FHIT: variants seen among roughly 807,000 people sequenced by gnomAD.
FHIT encodes the protein bis(5'-adenosyl)-triphosphatase.
A neutral mutation model predicts 17.9 loss-of-function variants in FHIT; 19 were observed. The ratio of observed to expected loss-of-function variants is 1.06; its 90% CI spans 0.74 to 1.56. The LOEUF (loss-of-function observed/expected upper bound fraction) is 1.56. Ranked by LOEUF, FHIT falls within the 40% of genes most tolerant of loss-of-function variation. The pLI, the probability that FHIT is intolerant of heterozygous loss-of-function variation, is 0.00. For missense variants in FHIT, 248 were observed against 189.2 expected (o/e 1.31, Z -1.82); for synonymous variants, 81 against 69.7 (o/e 1.16, Z -0.81).
intron 4 of FHIT, 81 bp from the exon 5 acceptor site, chr3:60,537,060 ATT>A (rs1328689022): frequency 1.8e-6 from 2 of 1,106,234 alleles, no homozygotes; most frequent in Non-Finnish European, 2.5e-6. Context: ...AGCAAATTCC[ATT>A]ACTACAGATT....
chr3:60,613,011 T>C (rs919875392), intron 4 of FHIT, among the ~76,000 whole-genome samples: 2 of 152,188 alleles, frequency 1.3e-5, no homozygotes, highest in African/African-American at 4.8e-5. Flanking sequence ...GCCAAGAATG[T>C]CACAGTGTCA....
chr3:60,620,245 T>C (rs1432682875), intron 4 of FHIT, among the ~76,000 whole-genome samples: 3 of 152,166 alleles, frequency 2.0e-5, no homozygotes, highest in African/African-American at 7.2e-5. Flanking sequence ...CGCAATATTT[T>C]ACAAAATGAA....
chr3:60,144,229 G>T (rs1030387894), intron 5 of FHIT, among the ~76,000 whole-genome samples: 1 of 152,206 alleles, frequency 6.6e-6, no homozygotes, highest in Non-Finnish European at 1.5e-5. Context: ...TGAAACTCAT[G>T]AGCAAGGCTG....
chr3:61,129,502 C>G (rs1268031032), intron 2 of FHIT, among the ~76,000 whole-genome samples: 1 of 152,110 alleles, frequency 6.6e-6, no homozygotes, highest in Non-Finnish European at 1.5e-5. Flanking sequence ...TGAAATGGCT[C>G]CACTCTGGAG....
chr3:60,087,076 G>C (rs114735334), intron 5 of FHIT, among the ~76,000 whole-genome samples: 1 of 152,194 alleles, frequency 6.6e-6, no homozygotes, highest in Non-Finnish European at 1.5e-5. Context: ...CAGACGTAAC[G>C]TCATGCAAAA....
intron 8 of FHIT, among the ~76,000 whole-genome samples, chr3:59,791,018 T>C (rs1416988467): frequency 2.0e-5 from 3 of 152,230 alleles, no homozygotes; most frequent in African/African-American, 4.8e-5. Context: ...GAAGCCTTTC[T>C]GAGTTCTCCC....
intron 2 of FHIT, among the ~76,000 whole-genome samples, chr3:61,045,314 A>C (rs1362388973): frequency 1.3e-5 from 2 of 152,152 alleles, no homozygotes; most frequent in Admixed American, 1.3e-4. Flanking sequence ...GAAAACAAAC[A>C]AACAAAAAAG....
At chr3:60,937,754 G>C (rs1331851891) in intron 3 of FHIT, among the ~76,000 whole-genome samples, 1 of 151,788 alleles carries the variant, frequency 6.6e-6, no homozygotes, top group Non-Finnish European at 1.5e-5. Flanking sequence ...AGTAGAGATG[G>C]GGTTTCACCA....
chr3:60,518,135 T>A (rs1367272836), intron 5 of FHIT, among the ~76,000 whole-genome samples: 2 of 152,082 alleles, frequency 1.3e-5, no homozygotes, highest in African/African-American at 4.8e-5. Flanking sequence ...CAGGAAAAAC[T>A]CATAAATGAC....
intron 5 of FHIT, among the ~76,000 whole-genome samples, chr3:60,030,715 A>AATGG (rs1463172045): frequency 1.3e-5 from 2 of 152,090 alleles, no homozygotes; most frequent in East Asian, 1.9e-4. Flanking sequence ...TTGGTGGGTC[A>AATGG]ATGGATGGAT....
intron 4 of FHIT, among the ~76,000 whole-genome samples, chr3:60,713,489 G>T (rs62249268): frequency 0.11 from 15,779 of 144,690 alleles, 1,022 homozygotes; most frequent in Non-Finnish European, 0.14. Context: ...GAATCCAGGA[G>T]CTGGTTTTTT....
chr3:59,869,572 C>T (rs1013681146), intron 8 of FHIT, among the ~76,000 whole-genome samples: 2 of 143,508 alleles, frequency 1.4e-5, no homozygotes, highest in Admixed American at 1.4e-4. Context: ...AGCTCTGCCT[C>T]CCGGGTTCAC....
At chr3:59,751,524 C>T (rs1700900310) in intron 9 of FHIT, 1 of 217,422 alleles carries the variant, frequency 4.6e-6, no homozygotes, top group Non-Finnish European at 9.2e-6. Flanking sequence ...GGCATGAGCT[C>T]GTTAGACACT....
At chr3:61,067,967 G>A (rs2034670376) in intron 2 of FHIT, among the ~76,000 whole-genome samples, 1 of 152,110 alleles carries the variant, frequency 6.6e-6, no homozygotes, top group African/African-American at 2.4e-5. Context: ...GTATAATGGT[G>A]GTTCTCAAAC....
chr3:60,106,516 C>A (rs6806516), intron 5 of FHIT, among the ~76,000 whole-genome samples: 40 of 152,136 alleles, frequency 2.6e-4, no homozygotes, highest in Non-Finnish European at 5.1e-4. Context: ...GAAATGTGTT[C>A]GTTCCTACTG....
intron 7 of FHIT, among the ~76,000 whole-genome samples, chr3:59,974,200 C>A (rs572234791): frequency 6.6e-6 from 1 of 152,160 alleles, no homozygotes; most frequent in Admixed American, 6.5e-5. Flanking sequence ...TGTACCCCAA[C>A]CCCAAAATGA....
chr3:60,225,916 C>T (rs1383693970), intron 5 of FHIT, among the ~76,000 whole-genome samples: 1 of 152,084 alleles, frequency 6.6e-6, no homozygotes, highest in Non-Finnish European at 1.5e-5. Flanking sequence ...GTGACCATAC[C>T]AAAGGGAAAA....
chr3:60,129,022 A>G (rs1699394152), intron 5 of FHIT, among the ~76,000 whole-genome samples: 2 of 135,450 alleles, frequency 1.5e-5, no homozygotes. Context: ...TCTATACTTA[A>G]TTTTCCCTTT....
intron 2 of FHIT, among the ~76,000 whole-genome samples, chr3:61,187,466 C>T (rs189724666): frequency 6.6e-6 from 1 of 152,088 alleles, no homozygotes; most frequent in South Asian, 2.1e-4. Flanking sequence ...ATTTAGACTC[C>T]CACACAATAA....
Sources: gnomAD v4.1 joint callset for allele counts (sites outside exome capture counted in the v4.1 genomes callset) on GRCh38, gnomAD v4.1.1 for gene constraint, MANE v1.5 for transcripts, NCBI Gene and HGNC (gene_info 2026-07-23, HGNC 2026-07-21) for gene names.